The following TCF7L1 variants were observed in gnomAD, a reference collection of about 807,000 sequenced individuals.
TCF7L1 encodes the protein transcription factor 7 like 1.
Under a neutral mutation model 63.7 loss-of-function variants are expected in TCF7L1, and 18 were observed. The observed-to-expected ratio is 0.28, with a 90% CI of 0.20 to 0.42. TCF7L1 has a LOEUF of 0.42. Ranked by LOEUF, TCF7L1 falls within the 10% of genes least tolerant of loss-of-function variation. The pLI is 1.00. For missense variants in TCF7L1, 654 were observed against 779.3 expected, an observed-to-expected ratio of 0.84 and a Z score of 1.91; for synonymous variants, 355 against 340.9, an observed-to-expected ratio of 1.04 and a Z score of -0.46.
chr2:85,198,496 T>TCAGGCC, intron 3 of TCF7L1, among the ~76,000 whole-genome samples: 1 of 152,332 alleles, frequency 6.6e-6, no homozygotes, highest in Admixed American at 6.5e-5. Flanking sequence ...GGGGCTGGTT[T>TCAGGCC]CAGGCCCAGA....
intron 3 of TCF7L1, among the ~76,000 whole-genome samples, chr2:85,169,256 C>T (rs996002808): frequency 6.6e-5 from 10 of 152,074 alleles, no homozygotes; most frequent in Non-Finnish European, 7.4e-5. Flanking sequence ...ACACCTAGTG[C>T]GCTTCTACCT....
intron 3 of TCF7L1, among the ~76,000 whole-genome samples, chr2:85,164,632 A>G (rs1034244536): frequency 2.6e-5 from 4 of 152,188 alleles, no homozygotes; most frequent in African/African-American, 9.6e-5. Flanking sequence ...ACCTGAATGG[A>G]AAGAAATTAC....
chr2:85,146,755 C>T (rs138975150), intron 3 of TCF7L1, among the ~76,000 whole-genome samples: 4 of 152,140 alleles, frequency 2.6e-5, no homozygotes, highest in East Asian at 1.9e-4. Flanking sequence ...CTGCCTGCGT[C>T]GGCCTCCCAA....
At chr2:85,307,259 T>G (rs768643579) in intron 10 of TCF7L1, among the ~76,000 whole-genome samples, 1 of 152,200 alleles carries the variant, frequency 6.6e-6, no homozygotes, top group Non-Finnish European at 1.5e-5. Context: ...GCATGCGTGT[T>G]CTTCTTTGCT....
At position 85,309,030 on chromosome 2, in the gene TCF7L1, T is replaced by A. The variant is rs1682209992; in HGVS notation, c.1335T>A (p.Gly445=). 4 of 1,586,432 alleles carry A rather than the reference T, an allele frequency of 2.5e-6. No individual in the cohort carries two copies. The highest frequency in any genetic ancestry group is 1.7e-4 in the Middle Eastern group (1 of 5,856). Residue 445 remains glycine (G), a splice_region_variant and synonymous_variant, in exon 12 of 12, where the codon GGT becomes GGA. Coordinates refer to ENST00000282111, the MANE Select transcript of TCF7L1 (RefSeq NM_031283.3). ...CTCTTTCTTGTATTTTCCCCCTAGG[T>A]GCCCTGGCCTCCAAGAGCAAGAAGC... ...QSQQQVQEAE[G]ALASKSKKPC...
chr2:85,176,144 A>G (rs911610767), intron 3 of TCF7L1, among the ~76,000 whole-genome samples: 2 of 152,248 alleles, frequency 1.3e-5, no homozygotes, highest in Non-Finnish European at 2.9e-5. Flanking sequence ...GGGTGAGCCA[A>G]CAGGCTGGAG....
At chr2:85,255,370 C>A (rs755129932) in intron 3 of TCF7L1, among the ~76,000 whole-genome samples, 14 of 152,310 alleles carry the variant, frequency 9.2e-5, no homozygotes, top group South Asian at 2.1e-4. Flanking sequence ...TTCCCTCCCC[C>A]CTACATGCTG....
intron 3 of TCF7L1, among the ~76,000 whole-genome samples, chr2:85,192,240 A>G (rs1163187787): frequency 6.6e-6 from 1 of 152,166 alleles, no homozygotes; most frequent in Non-Finnish European, 1.5e-5. Flanking sequence ...TCTAATCCTG[A>G]ATTTAAGCAT....
chr2:85,283,654 A>G lies in TCF7L1; in HGVS notation c.525+76A>G, dbSNP rs7574856. On this transcript the variant is annotated intron_variant, in intron 4 of 11. Coordinates refer to ENST00000282111, the MANE Select transcript of TCF7L1 (RefSeq NM_031283.3). ...TCCCATGCCACTGCCTTCTGCCATC[A>G]CGCTGAAGCAGATGGGGTCCAACAG... The G allele has an allele frequency of 0.5, 750,032 of 1,494,956 alleles. 190,520 individuals are homozygous for G. Among genetic ancestry groups the G allele is most frequent in the African/African-American group, 0.74 (53,931 of 72,606 alleles). The allele number at this position is 1,494,956 out of a possible 1,614,324, so 92.6% of individuals were successfully genotyped here.
intron 3 of TCF7L1, among the ~76,000 whole-genome samples, chr2:85,259,986 C>T (rs912177709): frequency 5.3e-5 from 8 of 152,104 alleles, no homozygotes; most frequent in African/African-American, 1.9e-4. Flanking sequence ...CCAAGAGGCC[C>T]CCAGCAGCCT....
At chr2:85,268,843 T>C (rs1051789562) in intron 3 of TCF7L1, among the ~76,000 whole-genome samples, 7 of 151,410 alleles carry the variant, frequency 4.6e-5, no homozygotes, top group Non-Finnish European at 7.4e-5. Flanking sequence ...TGAGCCTGGC[T>C]GTGAGCTGGA....
chr2:85,285,324 G>C (rs1681520725), intron 4 of TCF7L1, among the ~76,000 whole-genome samples: 1 of 152,204 alleles, frequency 6.6e-6, no homozygotes, highest in African/African-American at 2.4e-5. Context: ...ATAAATAAGG[G>C]TGCAGGGAGC....
intron 3 of TCF7L1, among the ~76,000 whole-genome samples, chr2:85,260,052 C>A (rs568320623): frequency 1.3e-5 from 2 of 152,202 alleles, no homozygotes; most frequent in Non-Finnish European, 2.9e-5. Flanking sequence ...TCTCCTTTCT[C>A]CATTTCCAGG....
At chr2:85,234,678 G>A (rs746182250) in intron 3 of TCF7L1, among the ~76,000 whole-genome samples, 1 of 152,108 alleles carries the variant, frequency 6.6e-6, no homozygotes, top group Non-Finnish European at 1.5e-5. Flanking sequence ...TTTGTCTGTG[G>A]GTTGATACCT....
At chr2:85,160,951 CA>C (rs1678270902) in intron 3 of TCF7L1, among the ~76,000 whole-genome samples, 1 of 152,224 alleles carries the variant, frequency 6.6e-6, no homozygotes, top group African/African-American at 2.4e-5. Context: ...TGGTGTAAAA[CA>C]GGGGTGGCTG....
chr2:85,301,665 C>T (rs891445851), intron 4 of TCF7L1, among the ~76,000 whole-genome samples: 1 of 152,096 alleles, frequency 6.6e-6, no homozygotes, highest in Non-Finnish European at 1.5e-5. Flanking sequence ...TAAAGTGTTA[C>T]AGAGAGAAGT....
At chr2:85,286,097 A>C (rs1681541492) in intron 4 of TCF7L1, among the ~76,000 whole-genome samples, 2 of 151,108 alleles carry the variant, frequency 1.3e-5, no homozygotes, top group African/African-American at 4.9e-5. Flanking sequence ...AGGCTGAGGC[A>C]GGAGAATCGC....
intron 3 of TCF7L1, among the ~76,000 whole-genome samples, chr2:85,144,430 A>C (rs1270448530): frequency 8.6e-5 from 13 of 151,140 alleles, no homozygotes; most frequent in Admixed American, 2.6e-4. Flanking sequence ...AAAAAAAAAA[A>C]AAAACAAAAA....
At chr2:85,255,856 A>G (rs1680703935) in intron 3 of TCF7L1, among the ~76,000 whole-genome samples, 1 of 152,110 alleles carries the variant, frequency 6.6e-6, no homozygotes, top group African/African-American at 2.4e-5. Flanking sequence ...AGTCCCTTGC[A>G]CTGTTGGCCA....
Sources: gnomAD v4.1 joint callset for allele counts (sites outside exome capture counted in the v4.1 genomes callset) on GRCh38, gnomAD v4.1.1 for gene constraint, MANE v1.5 for transcripts, NCBI Gene and HGNC (gene_info 2026-07-23, HGNC 2026-07-21) for gene names.